Variants in POU6F2 observed in about 807,000 individuals in gnomAD.
POU6F2 encodes the protein POU domain, class 6, transcription factor 2.
A neutral mutation model predicts 71.3 loss-of-function variants in POU6F2; 31 were observed. The ratio of observed to expected loss-of-function variants is 0.43; its 90% CI spans 0.33 to 0.59. The LOEUF (loss-of-function observed/expected upper bound fraction) is 0.59, where lower values mean the gene tolerates loss of function less well. POU6F2 is among the 20% of genes least tolerant of loss of function. The probability of loss-of-function intolerance (pLI) is 0.04; values close to 1 mark genes in which losing one functional copy is unlikely to be tolerated. For missense variants in POU6F2, 783 were observed against 856.8 expected (o/e 0.91, Z 1.07); for synonymous variants, 347 against 355.7 (o/e 0.98, Z 0.27).
At chr7:39,375,295 T>C (rs1786689835) in intron 5 of POU6F2, among the ~76,000 whole-genome samples, 1 of 152,218 alleles carries the variant, frequency 6.6e-6, no homozygotes, top group Non-Finnish European at 1.5e-5. Context: ...TTTAAACCTT[T>C]TGTTATCACA....
intron 1 of POU6F2, among the ~76,000 whole-genome samples, chr7:39,068,772 T>C (rs1268015320): frequency 4.6e-5 from 7 of 152,184 alleles, no homozygotes; most frequent in Admixed American, 4.6e-4. Flanking sequence ...CCTGCTTTCT[T>C]TGGAAATGCT....
intron 4 of POU6F2, among the ~76,000 whole-genome samples, chr7:39,303,468 C>G (rs775765638): frequency 1.3e-5 from 2 of 152,218 alleles, no homozygotes; most frequent in Non-Finnish European, 2.9e-5. Context: ...TTTAATTCCT[C>G]TACTTGACTA....
intron 1 of POU6F2, among the ~76,000 whole-genome samples, chr7:39,047,762 G>A (rs112039625): frequency 0.024 from 3,718 of 151,988 alleles, 64 homozygotes; most frequent in Non-Finnish European, 0.038. Flanking sequence ...AATCATGAAT[G>A]CATGTGGAAT....
At chr7:39,016,865 C>G (rs966118871) in intron 1 of POU6F2, among the ~76,000 whole-genome samples, 1 of 152,046 alleles carries the variant, frequency 6.6e-6, no homozygotes, top group Non-Finnish European at 1.5e-5. Flanking sequence ...TGAAGAAGGC[C>G]GACAGCCACT....
rs1346551221 is a variant in POU6F2, at chr7:39,460,024, T to A, written c.1490-523T>A. ...AGGGACTAATGTGAATGTAAGAAAT[T>A]AGGCAACATTATCATCTGTTAGCCT... On this transcript the variant is annotated intron_variant, in intron 8 of 9. Transcript: ENST00000518318. The surrounding 1 kb of genome is among the most constrained non-coding windows in gnomAD (Gnocchi z 4.4). Among the ~76,000 whole-genome samples the A allele has an allele frequency of 6.6e-6, 1 of 152,194 alleles. No individual in the cohort carries two copies. Among genetic ancestry groups the A allele is most frequent in the Non-Finnish European group, 1.5e-5 (1 of 68,022 alleles).
intron 5 of POU6F2, among the ~76,000 whole-genome samples, chr7:39,377,089 A>G (rs1786724790): frequency 6.7e-6 from 1 of 148,318 alleles, no homozygotes; most frequent in South Asian, 2.1e-4. Context: ...GGTATTAAAT[A>G]ACTTAAATAT....
At chr7:39,107,757 G>A (rs1242740739) in intron 2 of POU6F2, among the ~76,000 whole-genome samples, 3 of 152,080 alleles carry the variant, frequency 2.0e-5, no homozygotes, top group Admixed American at 6.5e-5. Flanking sequence ...CTCTTTACCT[G>A]AAAGGGACCA....
intron 2 of POU6F2, among the ~76,000 whole-genome samples, chr7:39,099,672 C>T (rs557739388): frequency 1.3e-4 from 20 of 152,254 alleles, no homozygotes; most frequent in African/African-American, 4.6e-4. Context: ...CTTATGTCTC[C>T]GTTTCCTCTT....
chr7:39,006,987 T>A, intron 1 of POU6F2: 1 of 990,046 alleles, frequency 1.0e-6, no homozygotes. Context: ...GTCAAATGAG[T>A]GAGATTCCCT....
At chr7:39,063,365 G>A (rs1185751173) in intron 1 of POU6F2, among the ~76,000 whole-genome samples, 1 of 152,102 alleles carries the variant, frequency 6.6e-6, no homozygotes. Context: ...AGACAGCAGA[G>A]TGAGATGCAA....
chr7:39,153,455 G>A (rs1190477423), intron 2 of POU6F2, among the ~76,000 whole-genome samples: 1 of 151,828 alleles, frequency 6.6e-6, no homozygotes, highest in Non-Finnish European at 1.5e-5. Context: ...AAATGGGGTC[G>A]AGAGCATGAA....
At chr7:39,278,612 G>A (rs4723837) in intron 4 of POU6F2, among the ~76,000 whole-genome samples, 73,148 of 151,854 alleles carry the variant, frequency 0.48, 19,124 homozygotes, top group East Asian at 0.69. Flanking sequence ...ACACCCACCC[G>A]TGCTTGTCCC....
chr7:38,997,896 T>A (rs537442434), intron 1 of POU6F2, among the ~76,000 whole-genome samples: 3 of 152,168 alleles, frequency 2.0e-5, no homozygotes, highest in African/African-American at 7.2e-5. Context: ...CCCAAGACCC[T>A]TGTTTTAATT....
chr7:39,194,524 G>A lies in POU6F2; in HGVS notation c.278-9711G>A, dbSNP rs187440656. ...ACACCAATCAGCACTCTGTAAAAACGGAGCAATCAGCACTCTGTAAAGTGG... is the reference window on the plus strand; with the variant it reads ...ACACCAATCAGCACTCTGTAAAAACAGAGCAATCAGCACTCTGTAAAGTGG... On this transcript the variant is annotated intron_variant, in intron 2 of 9. Coordinates refer to ENST00000518318, the MANE Select transcript of POU6F2 (RefSeq NM_001370959.1). Among the ~76,000 whole-genome samples the A allele has an allele frequency of 3.3e-5, 5 of 151,368 alleles. No homozygotes were observed. The East Asian group carries it at 7.8e-4, about 24-fold the overall frequency.
At chr7:39,363,914 A>G (rs1390892429) in intron 5 of POU6F2, among the ~76,000 whole-genome samples, 1 of 152,192 alleles carries the variant, frequency 6.6e-6, no homozygotes, top group Non-Finnish European at 1.5e-5. Context: ...GACATCAAGA[A>G]TAGACAATTC....
intron 4 of POU6F2, among the ~76,000 whole-genome samples, chr7:39,269,675 G>A (rs1409756796): frequency 1.3e-5 from 2 of 152,318 alleles, no homozygotes; most frequent in African/African-American, 2.4e-5. Flanking sequence ...TTGCCTGGCA[G>A]GTCCTCTGCA....
At chr7:39,075,558 C>CTCT (rs780613417) in intron 1 of POU6F2, among the ~76,000 whole-genome samples, 3 of 152,202 alleles carry the variant, frequency 2.0e-5, no homozygotes, top group Non-Finnish European at 4.4e-5. Flanking sequence ...TTAAATAAAT[C>CTCT]TCTTCTTCTT....
intron 4 of POU6F2, among the ~76,000 whole-genome samples, chr7:39,254,615 C>A (rs1001378559): frequency 5.3e-5 from 8 of 152,310 alleles, no homozygotes; most frequent in South Asian, 2.1e-4. Context: ...CCCTCCTTAG[C>A]AAACTGTAGG....
At chr7:39,434,357 C>A (rs1788179930) in intron 7 of POU6F2, among the ~76,000 whole-genome samples, 1 of 152,034 alleles carries the variant, frequency 6.6e-6, no homozygotes, top group African/African-American at 2.4e-5. Flanking sequence ...TCTGTGGGAC[C>A]TTGAACACAC....
Sources: allele counts gnomAD v4.1 joint callset (sites outside exome capture counted in the v4.1 genomes callset), GRCh38; gene constraint gnomAD v4.1.1; non-coding constraint Gnocchi (gnomAD v3.1); transcripts MANE v1.5; gene names NCBI Gene and HGNC (gene_info 2026-07-23, HGNC 2026-07-21).